The following ZFR variants were observed in gnomAD, a reference collection of about 807,000 sequenced individuals.
ZFR encodes the protein zinc finger RNA binding protein.
A neutral mutation model predicts 130.7 loss-of-function variants in ZFR; 19 were observed. The ratio of observed to expected loss-of-function variants is 0.15; its 90% CI spans 0.10 to 0.21. The LOEUF (loss-of-function observed/expected upper bound fraction) is 0.21. ZFR is among the 10% of genes least tolerant of loss of function. The probability of loss-of-function intolerance (pLI) is 1.00; values close to 1 mark genes in which losing one functional copy is unlikely to be tolerated. For synonymous variants in ZFR, 466 were observed against 456.9 expected (o/e 1.02, Z -0.25); for missense variants, 872 against 1,321.5 (o/e 0.66, Z 5.27).
chr5:32,375,673 ATT>A (rs1752788307), intron 17 of ZFR, among the ~76,000 whole-genome samples: 1 of 151,712 alleles, frequency 6.6e-6, no homozygotes, highest in Admixed American at 6.6e-5. Flanking sequence ...TGCCGGGCTA[ATT>A]TTTCTATCTT....
At chr5:32,417,896 T>C (rs1753862820) in intron 3 of ZFR, 104 bp from the exon 4 acceptor site, 7 of 1,040,582 alleles carry the variant, frequency 6.7e-6, no homozygotes, top group Non-Finnish European at 1.0e-5. Context: ...ACTAAATACG[T>C]AGTTTCATGA....
chr5:32,361,917 C>A (rs930477643), intron 19 of ZFR, among the ~76,000 whole-genome samples: 1 of 152,024 alleles, frequency 6.6e-6, no homozygotes, highest in Non-Finnish European at 1.5e-5. Context: ...CCCGGCCCAG[C>A]CTATGCTAAT....
chr5:32,392,930 G>C (rs1180874306), intron 11 of ZFR, among the ~76,000 whole-genome samples: 1 of 152,210 alleles, frequency 6.6e-6, no homozygotes, highest in Non-Finnish European at 1.5e-5. Flanking sequence ...AGGAGGTGGA[G>C]AGTGCAGTGA....
At chr5:32,421,948 T>C (rs1192801212) in intron 2 of ZFR, among the ~76,000 whole-genome samples, 1 of 152,128 alleles carries the variant, frequency 6.6e-6, no homozygotes, top group Non-Finnish European at 1.5e-5. Context: ...TTTCCAAAAT[T>C]CCTGGAACTG....
chr5:32,424,415 C>T (rs1754024933), intron 2 of ZFR, among the ~76,000 whole-genome samples: 1 of 151,806 alleles, frequency 6.6e-6, no homozygotes, highest in East Asian at 1.9e-4. Flanking sequence ...CCTGTAGTCC[C>T]GGCTACTCGG....
At chr5:32,367,904 G>A (rs1045950840) in intron 17 of ZFR, among the ~76,000 whole-genome samples, 1 of 152,112 alleles carries the variant, frequency 6.6e-6, no homozygotes, top group Admixed American at 6.5e-5. Flanking sequence ...GCTAAAAATA[G>A]TTTTGTCCAA....
chr5:32,444,035 G>GCGGGA, intron 2 of ZFR, among the ~76,000 whole-genome samples, 194 bp downstream of exon 2: 1 of 145,432 alleles, frequency 6.9e-6, no homozygotes, highest in East Asian at 2.1e-4. Context: ...GCTCCCCGCC[G>GCGGGA]CGGGCCGGGC....
intron 2 of ZFR, among the ~76,000 whole-genome samples, chr5:32,441,020 C>T (rs975640954): frequency 2.6e-5 from 4 of 152,174 alleles, no homozygotes; most frequent in Admixed American, 2.0e-4. Context: ...TGTTGCCCAG[C>T]CAGAGTGTAA....
In ZFR at chr5:32,372,688, C is replaced by T. The variant is rs1301036705; in HGVS notation, c.2835+6427G>A. 2.6e-5 allele frequency among the ~76,000 whole-genome samples: 4 copies of T among 151,808 alleles called. No individual in the cohort carries two copies. The East Asian group carries it at 7.8e-4, about 30-fold the overall frequency. On this transcript the variant is annotated intron_variant, in intron 17 of 19. Coordinates refer to ENST00000265069, the MANE Select transcript of ZFR (RefSeq NM_016107.5). ...TCTCTACTAAAAATACAAAAATTAT[C>T]CAGACATGGTGGCGCGCGCGCTTGT...
intron 5 of ZFR, among the ~76,000 whole-genome samples, chr5:32,413,297 C>T (rs975627452): frequency 6.6e-6 from 1 of 151,962 alleles, no homozygotes; most frequent in African/African-American, 2.4e-5. Flanking sequence ...TATATCTATA[C>T]TTAGTGACAC....
At chr5:32,388,740 C>T in intron 12 of ZFR, 66 bp from the exon 13 acceptor site, 1 of 1,335,728 alleles carries the variant, frequency 7.5e-7, no homozygotes, top group Non-Finnish European at 1.0e-6. Context: ...TTATATTTTT[C>T]AACTATACAT....
At chr5:32,422,178 T>G (rs918720005) in intron 2 of ZFR, among the ~76,000 whole-genome samples, 2 of 151,986 alleles carry the variant, frequency 1.3e-5, no homozygotes, top group African/African-American at 2.4e-5. Context: ...AGGATGGGAA[T>G]GTTGAGTCAA....
chr5:32,360,147 AAGGAAATTTTAC>A (rs1752400712), intron 19 of ZFR, among the ~76,000 whole-genome samples: 1 of 152,178 alleles, frequency 6.6e-6, no homozygotes, highest in Admixed American at 6.5e-5. Flanking sequence ...AACCTAATTC[AAGGAAATTTTAC>A]AGTCACTTGA....
At chr5:32,420,370 G>A (rs938011803) in intron 2 of ZFR, among the ~76,000 whole-genome samples, 1 of 151,282 alleles carries the variant, frequency 6.6e-6, no homozygotes, top group Non-Finnish European at 1.5e-5. Context: ...ATCATAGATT[G>A]TATCACATAA....
At chr5:32,385,890 T>C (rs1238510559) in intron 14 of ZFR, among the ~76,000 whole-genome samples, 6 of 152,100 alleles carry the variant, frequency 3.9e-5, no homozygotes, top group Non-Finnish European at 8.8e-5. Flanking sequence ...TATTTGTACA[T>C]AGGTCTATCT....
At chr5:32,443,261 AC>A (rs1754512634) in intron 2 of ZFR, among the ~76,000 whole-genome samples, 1 of 152,248 alleles carries the variant, frequency 6.6e-6, no homozygotes, top group Non-Finnish European at 1.5e-5. Context: ...CTCAAAAGTA[AC>A]AATTTAACAA....
At chr5:32,412,554 C>A (rs1383759481) in intron 5 of ZFR, among the ~76,000 whole-genome samples, 1 of 152,160 alleles carries the variant, frequency 6.6e-6, no homozygotes, top group Non-Finnish European at 1.5e-5. Context: ...CAAAGCCCAG[C>A]CATTAAATAC....
At chr5:32,401,110 TATC>T (rs1414289957) in intron 8 of ZFR, among the ~76,000 whole-genome samples, 2 of 152,270 alleles carry the variant, frequency 1.3e-5, no homozygotes, top group Admixed American at 1.3e-4. Flanking sequence ...CTTTCATTTT[TATC>T]ATCAATTAAA....
chr5:32,415,851 T>C (rs1305839241), intron 4 of ZFR, among the ~76,000 whole-genome samples: 2 of 152,200 alleles, frequency 1.3e-5, no homozygotes, highest in Non-Finnish European at 2.9e-5. Context: ...TATGACTAAA[T>C]TAATAATCAC....
Sources: allele counts gnomAD v4.1 joint callset (sites outside exome capture counted in the v4.1 genomes callset), GRCh38; gene constraint gnomAD v4.1.1; transcripts MANE v1.5; gene names NCBI Gene and HGNC (gene_info 2026-07-23, HGNC 2026-07-21).